Variants in NRG1 observed in about 807,000 individuals in gnomAD.
The protein encoded by NRG1 is neuregulin 1, also known as pro-neuregulin-1, membrane-bound isoform.
NRG1 carries 18 observed loss-of-function variants against 63.8 expected under a neutral mutation model. The ratio of observed to expected loss-of-function variants is 0.28; its 90% CI spans 0.19 to 0.42. The LOEUF (loss-of-function observed/expected upper bound fraction) is 0.42, where lower values mean the gene tolerates loss of function less well. NRG1 is among the 10% of genes least tolerant of loss of function. The pLI, the probability that NRG1 is intolerant of heterozygous loss-of-function variation, is 1.00. For synonymous variants in NRG1, 302 were observed against 301.3 expected, an observed-to-expected ratio of 1.00 and a Z score of -0.02; for missense variants, 762 against 814.7, an observed-to-expected ratio of 0.94 and a Z score of 0.79.
chr8:31,991,394 T>G lies in NRG1; in HGVS notation c.37+351963T>G, dbSNP rs369081837. On this transcript the variant is annotated intron_variant, in intron 1 of 10. Coordinates refer to the NRG1 transcript ENST00000519301. ...CTCCTCCTCCTCTTCTTCTGCTGCT[T>G]CTTCTTCTTCTCCTTCTTCATCATC... 3.0e-3 allele frequency among the ~76,000 whole-genome samples: 452 copies of G among 151,992 alleles called. 1 individual carries two copies. The highest frequency in any genetic ancestry group is 9.5e-3 in the African/African-American group (394 of 41,466).
intron 1 of NRG1, among the ~76,000 whole-genome samples, chr8:32,326,026 T>A (rs1801963240): frequency 6.6e-6 from 1 of 151,836 alleles, no homozygotes; most frequent in Admixed American, 6.6e-5. Context: ...TTTTTTTTTT[T>A]TTGATATGGA....
intron 1 of NRG1, among the ~76,000 whole-genome samples, chr8:31,868,005 C>T (rs1829115027): frequency 6.6e-6 from 1 of 152,010 alleles, no homozygotes; most frequent in Admixed American, 6.6e-5. Flanking sequence ...GACTATTTTG[C>T]TTATGGTGTC....
chr8:32,349,771 C>G (rs903448276), intron 1 of NRG1, among the ~76,000 whole-genome samples: 1 of 152,162 alleles, frequency 6.6e-6, no homozygotes, highest in Admixed American at 6.5e-5. Context: ...CTAACTGACT[C>G]TATGGTAGGC....
At chr8:32,222,312 C>A (rs1379097334) in intron 1 of NRG1, among the ~76,000 whole-genome samples, 1 of 152,072 alleles carries the variant, frequency 6.6e-6, no homozygotes, top group South Asian at 2.1e-4. Flanking sequence ...TTCACTTACT[C>A]TCTTGGCTTT....
At chr8:32,403,299 CAAAAAAAAAAAA>C (rs68127664) in intron 1 of NRG1, among the ~76,000 whole-genome samples, 7 of 89,796 alleles carry the variant, frequency 7.8e-5, no homozygotes, top group Admixed American at 1.2e-4. Flanking sequence ...CACTCTGTCT[CAAAAAAAAAAAA>C]AAAAAAAAGA....
intron 1 of NRG1, among the ~76,000 whole-genome samples, chr8:32,340,026 G>T (rs1320695685): frequency 6.6e-6 from 1 of 152,072 alleles, no homozygotes; most frequent in East Asian, 1.9e-4. Context: ...CTTCCCCTCT[G>T]CTGCTAAGGG....
At chr8:32,756,323 T>C in intron 8 of NRG1, 80 bp from the exon 9 acceptor site, 2 of 1,512,836 alleles carry the variant, frequency 1.3e-6, no homozygotes, top group South Asian at 1.3e-5. Context: ...TACTCATAGG[T>C]GTTGGTAGAA....
intron 1 of NRG1, among the ~76,000 whole-genome samples, chr8:32,279,593 C>T (rs1852479308): frequency 6.6e-6 from 1 of 152,196 alleles, no homozygotes; most frequent in African/African-American, 2.4e-5. Context: ...TCTCATGATC[C>T]ACCCACCTTG....
intron 1 of NRG1, among the ~76,000 whole-genome samples, chr8:32,304,593 T>TA (rs34519029): frequency 4.0e-5 from 6 of 151,776 alleles, no homozygotes; most frequent in African/African-American, 9.7e-5. Flanking sequence ...GTATTCTTAG[T>TA]AAAAAAAATA....
rs1443202178 is a variant in NRG1, at chr8:32,180,253, GA to G, written c.38-415574del. Among the ~76,000 whole-genome samples, 100 of 152,244 alleles carry G rather than the reference GA, an allele frequency of 6.6e-4. 3 individuals carry two copies. Among genetic ancestry groups the G allele is most frequent in the Admixed American group, 6.4e-3 (98 of 15,268 alleles). On this transcript the variant is annotated intron_variant, in intron 1 of 10. Coordinates refer to the NRG1 transcript ENST00000519301. ...CTCTACGCTTTGGCAGACTTTTGCA[GA>G]TGCATTCTATAACTGCACAAATTAC...
chr8:32,326,712 A>T (rs1802070802), intron 1 of NRG1, among the ~76,000 whole-genome samples: 1 of 152,124 alleles, frequency 6.6e-6, no homozygotes, highest in African/African-American at 2.4e-5. Context: ...GTAAAGAGAA[A>T]CCAGTGAGTC....
intron 1 of NRG1, among the ~76,000 whole-genome samples, chr8:32,166,456 T>C (rs1839414232): frequency 6.6e-6 from 1 of 152,182 alleles, no homozygotes; most frequent in South Asian, 2.1e-4. Flanking sequence ...GATTCATTTT[T>C]TTTCTCCTTC....
chr8:31,874,436 G>A (rs554460872), intron 1 of NRG1, among the ~76,000 whole-genome samples: 9 of 152,050 alleles, frequency 5.9e-5, no homozygotes, highest in Non-Finnish European at 8.8e-5. Flanking sequence ...TAGTTGTTTT[G>A]GGTACATGGT....
chr8:32,358,254 C>A (rs375028462), intron 1 of NRG1, among the ~76,000 whole-genome samples: 1 of 151,758 alleles, frequency 6.6e-6, no homozygotes, highest in South Asian at 2.1e-4. Context: ...CCCAGAATGC[C>A]TCCTGCTGAC....
intron 1 of NRG1, among the ~76,000 whole-genome samples, chr8:32,273,739 T>G (rs1218085668): frequency 6.6e-6 from 1 of 152,210 alleles, no homozygotes; most frequent in Non-Finnish European, 1.5e-5. Context: ...TCTTTTTAAG[T>G]AGTTTGTGAT....
chr8:32,680,436 A>T (rs1327819262), intron 5 of NRG1, among the ~76,000 whole-genome samples: 1 of 152,152 alleles, frequency 6.6e-6, no homozygotes, highest in East Asian at 1.9e-4. Context: ...ATTATAGTAA[A>T]TTGATTCTGT....
intron 5 of NRG1, among the ~76,000 whole-genome samples, chr8:32,700,390 CA>C (rs1443066049): frequency 6.6e-6 from 1 of 151,994 alleles, no homozygotes; most frequent in Non-Finnish European, 1.5e-5. Flanking sequence ...ACAAAAAAAT[CA>C]AATGATCCAG....
intron 1 of NRG1, among the ~76,000 whole-genome samples, chr8:31,715,647 C>A (rs1812278634): frequency 2.6e-5 from 4 of 151,744 alleles, no homozygotes; most frequent in Admixed American, 2.0e-4. Flanking sequence ...TTATTATAAC[C>A]AGTTGGCACC....
intron 1 of NRG1, among the ~76,000 whole-genome samples, chr8:32,076,570 G>C (rs923257576): frequency 6.6e-6 from 1 of 152,128 alleles, no homozygotes; most frequent in African/African-American, 2.4e-5. Context: ...GTCTATCGGA[G>C]GGTGGAAAGT....
Sources: gnomAD v4.1 joint callset for allele counts (sites outside exome capture counted in the v4.1 genomes callset) on GRCh38, gnomAD v4.1.1 for gene constraint, MANE v1.5 for transcripts, NCBI Gene and HGNC (gene_info 2026-07-23, HGNC 2026-07-21) for gene names.